HELZ2: variants seen among roughly 807,000 people sequenced by gnomAD.
HELZ2 encodes the protein 3'-5' exoribonuclease HELZ2.
A neutral mutation model predicts 208.8 loss-of-function variants in HELZ2; 143 were observed. That is an observed-to-expected ratio of 0.68 (90% CI 0.60 to 0.79). HELZ2 has a LOEUF of 0.79. Among genes scored for constraint, HELZ2 ranks in the 30% least tolerant of loss-of-function variants. The pLI, the probability that HELZ2 is intolerant of heterozygous loss-of-function variation, is 0.00. For synonymous variants in HELZ2, 1,705 were observed against 1,693.7 expected (o/e 1.01, Z -0.16); for missense variants, 3,690 against 3,794.5 (o/e 0.97, Z 0.72).
exon 18 of HELZ2, chr20:63,560,050 G>A (rs1307844408): frequency 6.2e-7 from 1 of 1,610,272 alleles, no homozygotes; most frequent in Non-Finnish European, 8.5e-7. Context: ...GTCGCTCTTG[G>A]CACAGGTGCG....
upstream of HELZ2, chr20:63,572,541 G>GA: frequency 1.3e-6 from 1 of 774,300 alleles, no homozygotes; most frequent in Non-Finnish European, 2.0e-6. Flanking sequence ...GCGCTCACGT[G>GA]GGCCAGGAGG....
rs1224912776 is a variant in HELZ2, at chr20:63,564,317, C to T, written c.4505G>A (p.Arg1502Gln). ...CGGCTGCTCATAGAAGCAGTCGGAC[C>T]GCAGGCGGTGCCGGCGCAGCAGCCG... The change falls in exon 8 of 19, where the codon CGG (arginine) becomes CAG (glutamine). Residue 1502 changes from arginine to glutamine, a missense_variant. Physicochemically the swap from Arg to Gln is conservative, Grantham distance 43. This residue lies in a region of HELZ2 where 2,564 missense variants were observed against 2,580.5 expected (regional missense o/e 0.99). Transcript: ENST00000467148. The T allele has an allele frequency of 1.2e-5, 19 of 1,596,706 alleles. No homozygotes were observed. The highest frequency in any genetic ancestry group is 5.4e-5 in the African/African-American group (4 of 74,690).
At position 63,570,497 on chromosome 20, in the gene HELZ2, C is replaced by G; in HGVS notation, c.570+7G>C. On this transcript the variant is annotated splice_region_variant and intron_variant, in intron 3 of 18. Transcript: ENST00000467148. ...CCTCCGCCCAGTCGGAGCTGTTCTC[C>G]GCTCACCTCAGAGTGGACGGCAAAC... is the stretch of plus-strand genomic sequence containing the variant. 6.2e-7 allele frequency: 1 copy of G among 1,609,236 alleles called. No individual in the cohort carries two copies. Among genetic ancestry groups the G allele is most frequent in the African/African-American group, 1.3e-5 (1 of 74,944 alleles).
chr20:63,567,660 G>T (rs1183349144), intron 5 of HELZ2, 33 bp from the exon 7 acceptor site: 1 of 1,580,342 alleles, frequency 6.3e-7, no homozygotes. Flanking sequence ...TGGGCTTCTT[G>T]CTGGGGGCCT....
exon 5 of HELZ2, chr20:63,568,759 C>A: frequency 1.2e-6 from 2 of 1,605,004 alleles, no homozygotes; most frequent in South Asian, 2.2e-5. Context: ...GCCACAGCGC[C>A]TGCTCTGAGC....
At chr20:63,568,975 G>A (rs1189001474) in exon 5 of HELZ2, 1 of 1,602,924 alleles carries the variant, frequency 6.2e-7, no homozygotes. Context: ...CCGTCTTCAG[G>A]AACACCTGGC....
chr20:63,562,450 TC>T, intron 8 of HELZ2, 68 bp from the exon 10 acceptor site: 3 of 1,522,150 alleles, frequency 2.0e-6, no homozygotes, highest in Middle Eastern at 1.7e-4. Flanking sequence ...CCCCACGAGC[TC>T]CCCCCTCCTG....
At chr20:63,568,886 A>C (rs769577170) in exon 5 of HELZ2, 1 of 1,611,688 alleles carries the variant, frequency 6.2e-7, no homozygotes, top group African/African-American at 1.3e-5. Context: ...GTCTGGCATC[A>C]GGGAGGAGGG....
chr20:63,567,222 G>C, exon 6 of HELZ2: 2 of 1,607,432 alleles, frequency 1.2e-6, no homozygotes, highest in South Asian at 1.1e-5. Context: ...GCGTGTGCTC[G>C]GCCGCCCGGG....
intron 12 of HELZ2, 32 bp downstream of exon 13, chr20:63,561,569 C>T (rs1185224243): frequency 6.3e-7 from 1 of 1,584,972 alleles, no homozygotes; most frequent in Admixed American, 1.7e-5. Flanking sequence ...CTCGGCCCCA[C>T]TCCGCCCAAG....
chr20:63,559,807 G>A (rs968407597), intron 18 of HELZ2, 121 bp downstream of exon 19: 35 of 814,532 alleles, frequency 4.3e-5, no homozygotes, highest in East Asian at 7.9e-5. Flanking sequence ...GAGGAGTCAG[G>A]GTCAGGTGGG....
intron 18 of HELZ2, 67 bp from the exon 20 acceptor site, chr20:63,559,437 G>GTCA (rs550669322): frequency 7.1e-7 from 1 of 1,406,244 alleles, no homozygotes; most frequent in East Asian, 2.6e-5. Flanking sequence ...TCAGGTGGGA[G>GTCA]GAGTCAGGGT....
At chr20:63,564,649 C>A (rs778950516) in exon 8 of HELZ2, 9 of 1,567,540 alleles carry the variant, frequency 5.7e-6, no homozygotes, top group South Asian at 3.5e-5. Flanking sequence ...CAGCGCCCTG[C>A]CTTCGCGCCT....
Position 63,562,564 on chromosome 20 carries a change from G to A in HELZ2, c.6258C>T (p.Gly2086=), listed in dbSNP as rs754366016. The A allele has an allele frequency of 2.5e-6, 4 of 1,597,312 alleles. No individual in the cohort carries two copies. The South Asian group carries it at 4.5e-5, about 18-fold the overall frequency. ...GCAGCAGCTCAACGGTGAACAGGGT[G>A]CCCGGCCTCAGCACCTCTTCCGGAA... The change falls in exon 8 of 19, where the codon GGC becomes GGT. Residue 2086 remains glycine, a synonymous_variant. Coordinates refer to ENST00000467148, the Ensembl canonical transcript of HELZ2.
Position 63,561,985 on chromosome 20 carries a change from C to A in HELZ2, c.6530-1G>T. 1 of 1,592,856 alleles carries A rather than the reference C, an allele frequency of 6.3e-7. No individual in the cohort carries two copies. On this transcript the variant is annotated splice_acceptor_variant, in intron 10 of 18. Coordinates refer to ENST00000467148, the Ensembl canonical transcript of HELZ2. LOFTEE classifies it high-confidence loss of function. ...AGGCCCACGATCGTCTTCCCTGTAC[C>A]TGCAGCCAGAGAATAGGAGATTGTA...
upstream of HELZ2, among the ~76,000 whole-genome samples, chr20:63,573,824 AAC>A (rs1404524375): frequency 6.6e-6 from 1 of 152,072 alleles, no homozygotes; most frequent in Admixed American, 6.5e-5. This position sits in a 1 kb window ranked among gnomAD's most constrained non-coding sequence, Gnocchi z 4.9. Context: ...GTTTAAAAGC[AAC>A]AGACTGGAGG....
At chr20:63,570,115 AT>A (rs56804055) in intron 3 of HELZ2, 17,490 of 282,820 alleles carry the variant, frequency 0.062, 159 homozygotes, top group African/African-American at 0.092. Context: ...TGCCTGGCTA[AT>A]TTTTTTTTTT....
At chr20:63,561,516 G>A (rs759218639) in intron 12 of HELZ2, 50 bp from the exon 14 acceptor site, 29 of 1,576,608 alleles carry the variant, frequency 1.8e-5, no homozygotes, top group South Asian at 1.5e-4. Flanking sequence ...CATCACGGGG[G>A]CAGAGCTCAG....
exon 1 of HELZ2, chr20:63,572,267 A>C (rs1041700655): frequency 8.2e-6 from 13 of 1,586,772 alleles, no homozygotes; most frequent in Admixed American, 1.8e-5. Context: ...CGGGCAGTAC[A>C]GCTGGGCCCC....
Sources: allele counts gnomAD v4.1 joint callset (sites outside exome capture counted in the v4.1 genomes callset), GRCh38; gene constraint gnomAD v4.1.1; regional missense constraint gnomAD v4.1.1; non-coding constraint Gnocchi (gnomAD v3.1); transcripts MANE v1.5; gene names NCBI Gene and HGNC (gene_info 2026-07-23, HGNC 2026-07-21).